The following SMYD3 variants were observed in gnomAD, a reference collection of about 807,000 sequenced individuals.
SMYD3 encodes histone-lysine N-methyltransferase SMYD3.
A neutral mutation model predicts 57.7 loss-of-function variants in SMYD3; 36 were observed. That is an observed-to-expected ratio of 0.62 (90% CI 0.48 to 0.82). SMYD3 has a LOEUF of 0.82. SMYD3 is among the 40% of genes least tolerant of loss of function. SMYD3 has a pLI of 0.00. For synonymous variants in SMYD3, 211 were observed against 195.0 expected (o/e 1.08, Z -0.68); for missense variants, 515 against 538.8 (o/e 0.96, Z 0.44).
chr1:245,767,699 G>A (rs1438797776), intron 10 of SMYD3, among the ~76,000 whole-genome samples: 1 of 152,206 alleles, frequency 6.6e-6, no homozygotes, highest in Non-Finnish European at 1.5e-5. Flanking sequence ...CAGCAGAGGA[G>A]GGGAGTGGGA....
intron 1 of SMYD3, among the ~76,000 whole-genome samples, chr1:246,362,605 C>G (rs983680267): frequency 1.5e-3 from 222 of 149,434 alleles, no homozygotes; most frequent in Admixed American, 3.2e-3. Context: ...CGATTGCAGG[C>G]GCGCACCGCC....
intron 1 of SMYD3, among the ~76,000 whole-genome samples, chr1:246,472,381 T>C (rs774062848): frequency 3.3e-5 from 5 of 152,356 alleles, no homozygotes; most frequent in Non-Finnish European, 7.4e-5. Flanking sequence ...TTTTTCGCTA[T>C]ACCTGCTAGA....
chr1:245,869,452 C>A (rs896388851), intron 8 of SMYD3, among the ~76,000 whole-genome samples: 1 of 152,174 alleles, frequency 6.6e-6, no homozygotes, highest in East Asian at 1.9e-4. Context: ...GCTATGTAAC[C>A]ACTCTAGTGA....
At chr1:246,259,745 G>A (rs982696985) in intron 5 of SMYD3, among the ~76,000 whole-genome samples, 1 of 152,190 alleles carries the variant, frequency 6.6e-6, no homozygotes, top group Non-Finnish European at 1.5e-5. Flanking sequence ...GGCCAGACTG[G>A]TCAGGTCCAC....
intron 1 of SMYD3, among the ~76,000 whole-genome samples, chr1:246,368,049 G>A (rs1489978189): frequency 6.6e-6 from 1 of 152,078 alleles, no homozygotes. Context: ...CTCTCTTCTG[G>A]GTATAGGCTG....
chr1:245,797,374 T>C (rs1002044493), intron 10 of SMYD3, among the ~76,000 whole-genome samples: 1 of 152,024 alleles, frequency 6.6e-6, no homozygotes, highest in African/African-American at 2.4e-5. Flanking sequence ...ATGTCCTTTG[T>C]AGGGACATGG....
chr1:246,117,862 T>C (rs1164697054), intron 5 of SMYD3, among the ~76,000 whole-genome samples: 1 of 152,196 alleles, frequency 6.6e-6, no homozygotes, highest in East Asian at 1.9e-4. Context: ...ATAACATTAT[T>C]TCTTTGCATT....
Position 246,450,054 on chromosome 1 carries a change from G to A in SMYD3, c.164+57000C>T, listed in dbSNP as rs1386537489. ...TATTATCCCAGCACTTTGGGAGGCC[G>A]AGGTGGGCAGATCACCTGAGGTCGG... On this transcript the variant is annotated intron_variant, in intron 1 of 11. Coordinates refer to ENST00000490107, the MANE Select transcript of SMYD3 (RefSeq NM_001167740.2). Among the ~76,000 whole-genome samples the A allele has an allele frequency of 5.9e-5, 9 of 152,246 alleles. No homozygotes were observed. The East Asian group carries it at 9.7e-4, about 16-fold the overall frequency.
intron 5 of SMYD3, among the ~76,000 whole-genome samples, chr1:246,194,298 C>T (rs1425077955): frequency 6.7e-6 from 1 of 150,320 alleles, no homozygotes. Flanking sequence ...CATGGAGGCT[C>T]GCCCAGTCAC....
intron 5 of SMYD3, among the ~76,000 whole-genome samples, chr1:246,050,312 CAG>C (rs2060045701): frequency 6.6e-6 from 1 of 152,184 alleles, no homozygotes; most frequent in Non-Finnish European, 1.5e-5. Flanking sequence ...ATTATGAATT[CAG>C]AGAGACTCAA....
At chr1:246,108,437 A>G (rs2061169854) in intron 5 of SMYD3, among the ~76,000 whole-genome samples, 3 of 152,194 alleles carry the variant, frequency 2.0e-5, no homozygotes, top group African/African-American at 7.2e-5. Flanking sequence ...AATGTTATCA[A>G]CATCCATCCA....
intron 1 of SMYD3, among the ~76,000 whole-genome samples, chr1:246,454,527 T>C (rs1380236450): frequency 6.6e-6 from 1 of 152,182 alleles, no homozygotes; most frequent in African/African-American, 2.4e-5. Flanking sequence ...TTTTATTTCT[T>C]CCAACTTTTA....
At position 246,194,486 on chromosome 1, in the gene SMYD3, C is replaced by T. The variant is rs147226926; in HGVS notation, c.531+132715G>A. Reference sequence around the variant, plus strand: ...GTTTCACTATATCGGCCAGGCTGGTCTCGAACTCCCGACCTCGTGTTCCGC... The same window carrying T: ...GTTTCACTATATCGGCCAGGCTGGTTTCGAACTCCCGACCTCGTGTTCCGC... On this transcript the variant is annotated intron_variant, in intron 5 of 11. Coordinates refer to ENST00000490107, the MANE Select transcript of SMYD3 (RefSeq NM_001167740.2). 5.1e-3 allele frequency among the ~76,000 whole-genome samples: 781 copies of T among 152,214 alleles called. 3 individuals carry two copies. Among genetic ancestry groups the T allele is most frequent in the Non-Finnish European group, 7.4e-3 (501 of 68,010 alleles).
chr1:246,410,222 T>G (rs1324889634), intron 1 of SMYD3, among the ~76,000 whole-genome samples: 2 of 152,166 alleles, frequency 1.3e-5, no homozygotes, highest in Non-Finnish European at 2.9e-5. Context: ...ATAGGAGTGG[T>G]GAGAGAGGGC....
intron 5 of SMYD3, among the ~76,000 whole-genome samples, chr1:246,208,456 T>C (rs2063035021): frequency 6.6e-6 from 1 of 152,146 alleles, no homozygotes; most frequent in Admixed American, 6.5e-5. Context: ...AAGGGATTAA[T>C]ACACTTCCCC....
At chr1:246,455,107 T>C (rs2067683102) in intron 1 of SMYD3, among the ~76,000 whole-genome samples, 1 of 152,162 alleles carries the variant, frequency 6.6e-6, no homozygotes, top group Non-Finnish European at 1.5e-5. Context: ...CCAGCATTTT[T>C]TGTTTGTTTT....
At chr1:246,099,633 C>T (rs1173553760) in intron 5 of SMYD3, among the ~76,000 whole-genome samples, 2 of 152,060 alleles carry the variant, frequency 1.3e-5, no homozygotes, top group African/African-American at 4.8e-5. Flanking sequence ...ATTCAGGAAG[C>T]TGATGAGATG....
chr1:245,965,695 T>C (rs555371238), intron 5 of SMYD3, among the ~76,000 whole-genome samples: 2 of 152,168 alleles, frequency 1.3e-5, no homozygotes, highest in Non-Finnish European at 2.9e-5. Flanking sequence ...AGTATGAAGA[T>C]AGTAAAAAGA....
At chr1:246,457,532 C>CAAAAAAAAAAAAAAAAAA (rs59617511) in intron 1 of SMYD3, among the ~76,000 whole-genome samples, 1 of 82,454 alleles carries the variant, frequency 1.2e-5, no homozygotes, top group African/African-American at 4.6e-5. Context: ...GACTCTGCCT[C>CAAAAAAAAAAAAAAAAAA]AAAAAAAAAA....
Sources: gnomAD v4.1 joint callset for allele counts (sites outside exome capture counted in the v4.1 genomes callset) on GRCh38, gnomAD v4.1.1 for gene constraint, MANE v1.5 for transcripts, NCBI Gene and HGNC (gene_info 2026-07-23, HGNC 2026-07-21) for gene names.